ASH1L: variants seen among roughly 807,000 people sequenced by gnomAD.
The protein encoded by ASH1L is ASH1 like histone lysine methyltransferase, also known as histone-lysine N-methyltransferase ASH1L.
In ASH1L, 23 loss-of-function variants were observed where a neutral mutation model predicts 269.0. The observed-to-expected ratio is 0.09, with a 90% confidence interval of 0.06 to 0.12. The LOEUF (loss-of-function observed/expected upper bound fraction) is 0.12, where lower values mean the gene tolerates loss of function less well. ASH1L is among the 10% of genes least tolerant of loss of function. The pLI is 1.00. For synonymous variants in ASH1L, 1,187 were observed against 1,253.5 expected (o/e 0.95, Z 1.12); for missense variants, 2,912 against 3,567.8 (o/e 0.82, Z 4.68).
chr1:155,534,876 G>A (rs994476975), intron 1 of ASH1L, among the ~76,000 whole-genome samples: 1 of 152,184 alleles, frequency 6.6e-6, no homozygotes, highest in Admixed American at 6.6e-5. Context: ...AAACAATGCA[G>A]GTAGATTGTT....
intron 2 of ASH1L, among the ~76,000 whole-genome samples, chr1:155,489,521 A>G (rs1666597759): frequency 6.6e-6 from 1 of 151,786 alleles, no homozygotes; most frequent in Admixed American, 6.6e-5. Flanking sequence ...CTGTAATCCC[A>G]GCACTTTGTG....
chr1:155,543,880 C>G (rs979692151), intron 1 of ASH1L, among the ~76,000 whole-genome samples: 5 of 151,992 alleles, frequency 3.3e-5, no homozygotes, highest in Non-Finnish European at 7.4e-5. Context: ...GCTGAGGCTG[C>G]AGTAAGTCAT....
Position 155,338,248 on chromosome 1 carries a change from C to G in ASH1L, c.8644G>C (p.Glu2882Gln). Reference protein sequence around the residue: ...EIPSLEEPEREGATANVSEGE... With the variant: ...EIPSLEEPERQGATANVSEGE... ...TCACTGACGTTAGCAGTGGCCCCTT[C>G]CCGTTCTGGCTCCTCCAGGCTGGGT... Residue 2882 changes from glutamate to glutamine, a missense_variant, in exon 27 of 28, where the codon GAA (glutamate) becomes CAA (glutamine). This residue lies in a region of ASH1L where 154 missense variants were observed against 165.0 expected (regional missense o/e 0.93). Transcript: ENST00000392403. The G allele has an allele frequency of 1.9e-6, 3 of 1,614,032 alleles. No homozygotes were observed. The highest frequency in any genetic ancestry group is 1.7e-6 in the Non-Finnish European group (2 of 1,180,004).
chr1:155,390,619 G>A (rs1418204430), intron 7 of ASH1L, among the ~76,000 whole-genome samples: 1 of 148,702 alleles, frequency 6.7e-6, no homozygotes, highest in Non-Finnish European at 1.5e-5. Flanking sequence ...GATATCTGTA[G>A]TTAATATCAT....
At chr1:155,430,136 T>C (rs1661493140) in intron 5 of ASH1L, among the ~76,000 whole-genome samples, 1 of 152,010 alleles carries the variant, frequency 6.6e-6, no homozygotes, top group Non-Finnish European at 1.5e-5. Context: ...CCACCACACT[T>C]GGCTGATTTT....
chr1:155,548,293 G>T (rs975773992), intron 1 of ASH1L, among the ~76,000 whole-genome samples: 3 of 152,130 alleles, frequency 2.0e-5, no homozygotes, highest in African/African-American at 7.2e-5. Flanking sequence ...AGGCCAAAGT[G>T]GGTGGATCAC....
chr1:155,412,664 T>C (rs749361357), intron 6 of ASH1L, among the ~76,000 whole-genome samples: 17 of 151,906 alleles, frequency 1.1e-4, no homozygotes, highest in Non-Finnish European at 1.8e-4. Context: ...AAAGGGGGGA[T>C]TGTGGAAACC....
At chr1:155,526,943 C>G (rs991858401) in intron 1 of ASH1L, among the ~76,000 whole-genome samples, 1 of 152,186 alleles carries the variant, frequency 6.6e-6, no homozygotes, top group Non-Finnish European at 1.5e-5. Flanking sequence ...AGATGGCTCA[C>G]GCCTGTAATC....
rs1035014612 is a variant in ASH1L at position 155,458,535 on chromosome 1, C to A, written c.5086+1262G>T. Among the ~76,000 whole-genome samples the A allele has an allele frequency of 3.3e-5, 5 of 152,222 alleles. No individual in the cohort carries two copies. In the South Asian group the frequency reaches 1.0e-3, roughly 32 times the overall value. ...TTCGAGACCAGCCTGGCCAACATGG[C>A]GAATTTTAGTCTCTACTAAAAATAC... On this transcript the variant is annotated intron_variant, in intron 4 of 27. Transcript: ENST00000392403.
chr1:155,480,350 T>C lies in ASH1L; in HGVS notation c.2520A>G (p.Glu840=). 1.2e-6 allele frequency: 2 copies of C among 1,613,810 alleles called. No individual in the cohort carries two copies. Among genetic ancestry groups the C allele is most frequent in the Non-Finnish European group, 1.7e-6 (2 of 1,179,728 alleles). Residue 840 remains glutamate, a synonymous_variant, in exon 3 of 28, where the codon GAA becomes GAG. Transcript: ENST00000392403. ...TTTTTAAAGTCCTTTTAGGTGGCCCTTCCAGTTGAGGCATCTCCTTAGATT... is the reference window on the plus strand; with the variant it reads ...TTTTTAAAGTCCTTTTAGGTGGCCCCTCCAGTTGAGGCATCTCCTTAGATT... ...RPKSKEMPQL[E]GPPKRTLKIP...
chr1:155,433,748 C>G (rs1052590136), intron 5 of ASH1L: 1 of 1,603,870 alleles, frequency 6.2e-7, no homozygotes, highest in African/African-American at 1.3e-5. Context: ...CTTTGAGGGT[C>G]TGCAGCTTAG....
At chr1:155,537,165 G>T (rs1465197193) in intron 1 of ASH1L, among the ~76,000 whole-genome samples, 1 of 152,146 alleles carries the variant, frequency 6.6e-6, no homozygotes. Context: ...TGCATTTGCT[G>T]CCTAGAGTTT....
chr1:155,365,372 A>ATTTTTTTTTTT (rs142145021), intron 12 of ASH1L, among the ~76,000 whole-genome samples: 38 of 124,234 alleles, frequency 3.1e-4, no homozygotes, highest in African/African-American at 7.4e-4. Flanking sequence ...TGCCCGGCTG[A>ATTTTTTTTTTT]TTTTTTTTTT....
At chr1:155,557,210 T>C (rs1450966848) in intron 1 of ASH1L, among the ~76,000 whole-genome samples, 1 of 152,020 alleles carries the variant, frequency 6.6e-6, no homozygotes, top group African/African-American at 2.4e-5. Flanking sequence ...AACTCTGAAA[T>C]AGCAGTAAGA....
intron 4 of ASH1L, among the ~76,000 whole-genome samples, chr1:155,442,921 C>G (rs1352824494): frequency 2.0e-5 from 3 of 152,100 alleles, no homozygotes; most frequent in Non-Finnish European, 2.9e-5. Flanking sequence ...GGTTATTTAC[C>G]TGACCAGGAA....
intron 10 of ASH1L, among the ~76,000 whole-genome samples, chr1:155,377,735 A>G (rs946516886): frequency 6.6e-6 from 1 of 152,188 alleles, no homozygotes; most frequent in Non-Finnish European, 1.5e-5. Context: ...ATAAATAGTA[A>G]AAGGATTGGC....
Position 155,433,375 on chromosome 1 carries a change from G to A in ASH1L, c.5828+4952C>T, listed in dbSNP as rs749229121. On this transcript the variant is annotated intron_variant, in intron 5 of 27. Coordinates refer to ENST00000392403, the MANE Select transcript of ASH1L (RefSeq NM_018489.3). Reference sequence around the variant, plus strand: ...TGTGGGGGATTCCCCCATGCCCCCCGCTGTATGAGTTCTGTGGGGGGATGG... The same window carrying A: ...TGTGGGGGATTCCCCCATGCCCCCCACTGTATGAGTTCTGTGGGGGGATGG... 8.8e-6 allele frequency: 14 copies of A among 1,599,390 alleles called. No homozygotes were observed. In the Admixed American group the frequency reaches 1.9e-4, roughly 22 times the overall value.
In ASH1L at chr1:155,520,954, G is replaced by C. The variant is rs925613196; in HGVS notation, c.420+146C>G. 28 of 761,640 alleles carry C rather than the reference G, an allele frequency of 3.7e-5. No individual in the cohort carries two copies. The African/African-American group carries it at 4.2e-4, about 11-fold the overall frequency. The allele number at this position is 761,640 out of a possible 1,614,324, so 47.2% of individuals were successfully genotyped here. ...TAACTTACATCTTTGACAAGCCTTGGGGCTTATTTTAAGGCTCACAAAAAC... is the reference window on the plus strand; with the variant it reads ...TAACTTACATCTTTGACAAGCCTTGCGGCTTATTTTAAGGCTCACAAAAAC... On this transcript the variant is annotated intron_variant, in intron 2 of 27. Transcript: ENST00000392403.
Position 155,459,900 on chromosome 1 carries a change from T to A in ASH1L, c.4985-2A>T. 1 of 1,575,104 alleles carries A rather than the reference T, an allele frequency of 6.3e-7. No homozygotes were observed. Among genetic ancestry groups the A allele is most frequent in the Non-Finnish European group, 8.6e-7 (1 of 1,163,924 alleles). On this transcript the variant is annotated splice_acceptor_variant, in intron 3 of 27. Transcript: ENST00000392403. LOFTEE classifies it high-confidence loss of function. ...GTTTATCAGAGGTTGGCTGGGAGCC[T>A]GGAGAAAGAGAAAAAGATAGAAATC...
Sources: gnomAD v4.1 joint callset for allele counts (sites outside exome capture counted in the v4.1 genomes callset) on GRCh38, gnomAD v4.1.1 for gene constraint, gnomAD v4.1.1 regional missense constraint, MANE v1.5 for transcripts, NCBI Gene and HGNC (gene_info 2026-07-23, HGNC 2026-07-21) for gene names.